CCDC192: variants seen among roughly 807,000 people sequenced by gnomAD.
CCDC192 encodes coiled-coil domain-containing protein 192.
chr5:127,718,353 C>T (rs1751760019), intron 2 of CCDC192, among the ~76,000 whole-genome samples: 1 of 152,134 alleles, frequency 6.6e-6, no homozygotes, highest in Admixed American at 6.5e-5. Flanking sequence ...GTGCAAAGAA[C>T]CTCTATAAAT....
chr5:127,752,757 T>A (rs1207528075), intron 2 of CCDC192, among the ~76,000 whole-genome samples: 1 of 152,170 alleles, frequency 6.6e-6, no homozygotes, highest in East Asian at 1.9e-4. Context: ...GTGCTAGCAG[T>A]CAGCGAGACT....
chr5:127,728,721 T>A lies in CCDC192; in HGVS notation c.114+20961T>A, dbSNP rs187449794. 1.6e-3 allele frequency among the ~76,000 whole-genome samples: 242 copies of A among 152,276 alleles called. 1 individual carries two copies. The highest frequency in any genetic ancestry group is 5.6e-3 in the African/African-American group (234 of 41,558). On this transcript the variant is annotated intron_variant, in intron 2 of 6. Transcript: ENST00000514853. ...ATATTAACCTTAAATGTAAATAGGCTAAGTGCCCCAATTAAAAGACACAGA... is the reference window on the plus strand; with the variant it reads ...ATATTAACCTTAAATGTAAATAGGCAAAGTGCCCCAATTAAAAGACACAGA...
intron 5 of CCDC192, among the ~76,000 whole-genome samples, chr5:127,806,423 G>GC (rs1358402398): frequency 4.0e-5 from 6 of 151,682 alleles, no homozygotes; most frequent in Non-Finnish European, 7.4e-5. Flanking sequence ...CCACCCTACC[G>GC]CCCCCAGCTA....
At chr5:127,736,349 T>C (rs1456660071) in intron 2 of CCDC192, among the ~76,000 whole-genome samples, 3 of 148,752 alleles carry the variant, frequency 2.0e-5, no homozygotes, top group Non-Finnish European at 4.4e-5. Context: ...TATTGAGGAT[T>C]TTTGCATCAA....
intron 6 of CCDC192, among the ~76,000 whole-genome samples, chr5:127,906,046 AC>A (rs1277147717): frequency 6.6e-6 from 1 of 152,094 alleles, no homozygotes. Flanking sequence ...CATACAATTC[AC>A]ATTTTGGCCA....
intron 6 of CCDC192, among the ~76,000 whole-genome samples, chr5:127,919,067 G>GTA (rs1173733386): frequency 7.4e-6 from 1 of 134,800 alleles, no homozygotes; most frequent in South Asian, 2.4e-4. Context: ...ATGTGTGTGT[G>GTA]TATATATGTG....
rs539644004 is a variant in CCDC192 at position 127,833,466 on chromosome 5, C to T, written c.411+35304C>T. Among the ~76,000 whole-genome samples, 66 of 152,176 alleles carry T rather than the reference C, an allele frequency of 4.3e-4. 1 individual carries two copies. Among genetic ancestry groups the T allele is most frequent in the Admixed American group, 1.6e-3 (25 of 15,280 alleles). The stretch of plus-strand genomic sequence containing the variant: ...CATTATAAATATAAAATAGTAAACT[C>T]CTTGAGAGCAAGGACATTATGTTCC... On this transcript the variant is annotated intron_variant, in intron 5 of 6. Transcript: ENST00000514853.
At chr5:127,708,951 A>AT (rs1458711969) in intron 2 of CCDC192, among the ~76,000 whole-genome samples, 1 of 151,956 alleles carries the variant, frequency 6.6e-6, no homozygotes, top group Non-Finnish European at 1.5e-5. Flanking sequence ...AGACTGGGTA[A>AT]TATATAAAGA....
chr5:127,786,353 A>G, intron 3 of CCDC192: 1 of 631,896 alleles, frequency 1.6e-6, no homozygotes, highest in Non-Finnish European at 2.9e-6. Flanking sequence ...AAAAAGAGAG[A>G]GATTCAAAGG....
At chr5:127,832,654 T>A (rs895800546) in intron 5 of CCDC192, among the ~76,000 whole-genome samples, 1 of 152,100 alleles carries the variant, frequency 6.6e-6, no homozygotes, top group African/African-American at 2.4e-5. Context: ...AAAGTAGATA[T>A]CAAACTTAGT....
chr5:127,753,499 T>G (rs1754367430), intron 2 of CCDC192, among the ~76,000 whole-genome samples: 1 of 151,948 alleles, frequency 6.6e-6, no homozygotes. Context: ...ATTTCAAGAC[T>G]AGCCTGGCCA....
intron 2 of CCDC192, among the ~76,000 whole-genome samples, chr5:127,727,990 G>A (rs1752429195): frequency 6.6e-6 from 1 of 152,272 alleles, no homozygotes; most frequent in Non-Finnish European, 1.5e-5. Context: ...AACAAGATTA[G>A]AGAAAAATGA....
intron 5 of CCDC192, among the ~76,000 whole-genome samples, chr5:127,820,653 A>G (rs1158969451): frequency 6.6e-6 from 1 of 152,196 alleles, no homozygotes. Flanking sequence ...CTCACTCCCT[A>G]TGTTAACGAT....
intron 2 of CCDC192, among the ~76,000 whole-genome samples, chr5:127,720,084 A>G (rs754786536): frequency 2.0e-5 from 3 of 152,002 alleles, no homozygotes; most frequent in Admixed American, 6.6e-5. Flanking sequence ...TTTCTCAACA[A>G]TCTCCCAAGT....
chr5:127,875,684 T>A (rs967992067), intron 6 of CCDC192, 23 bp downstream of exon 6: 1 of 398,440 alleles, frequency 2.5e-6, no homozygotes, highest in African/African-American at 2.1e-5. Flanking sequence ...ACGTGACAGA[T>A]CCACACTGGC....
intron 3 of CCDC192, among the ~76,000 whole-genome samples, chr5:127,765,375 A>G (rs1044985274): frequency 6.6e-6 from 1 of 152,212 alleles, no homozygotes; most frequent in African/African-American, 2.4e-5. Context: ...GTTTTGAAAG[A>G]GTTATTTTTA....
intron 5 of CCDC192, among the ~76,000 whole-genome samples, chr5:127,823,732 G>T (rs1435729419): frequency 6.6e-6 from 1 of 152,206 alleles, no homozygotes; most frequent in East Asian, 1.9e-4. Flanking sequence ...GTCACCCTGA[G>T]AGTCCTTCTT....
At chr5:127,814,649 C>T (rs1054242190) in intron 5 of CCDC192, among the ~76,000 whole-genome samples, 1 of 152,202 alleles carries the variant, frequency 6.6e-6, no homozygotes, top group Non-Finnish European at 1.5e-5. Context: ...CTTTCTATGA[C>T]TTCTCCAAAA....
chr5:127,836,192 G>T (rs1422024944), intron 5 of CCDC192, among the ~76,000 whole-genome samples: 3 of 152,172 alleles, frequency 2.0e-5, no homozygotes, highest in Non-Finnish European at 4.4e-5. Flanking sequence ...ATCCAGCAGG[G>T]CAGTCAAATC....
Sources: gnomAD v4.1 joint callset for allele counts (sites outside exome capture counted in the v4.1 genomes callset) on GRCh38, gnomAD v4.1.1 for gene constraint, MANE v1.5 for transcripts, NCBI Gene and HGNC (gene_info 2026-07-23, HGNC 2026-07-21) for gene names.